The following CLVS1 variants were observed in gnomAD, a reference collection of about 807,000 sequenced individuals.
The protein encoded by CLVS1 is clavesin 1.
Under a neutral mutation model 33.1 loss-of-function variants are expected in CLVS1, and 10 were observed. That is an observed-to-expected ratio of 0.30 (90% CI 0.19 to 0.51). The LOEUF (loss-of-function observed/expected upper bound fraction) is 0.51. CLVS1 is among the 20% of genes least tolerant of loss of function. The pLI, the probability that CLVS1 is intolerant of heterozygous loss-of-function variation, is 0.97. For missense variants in CLVS1, 343 were observed against 433.4 expected, an observed-to-expected ratio of 0.79 and a Z score of 1.85; for synonymous variants, 163 against 166.1, an observed-to-expected ratio of 0.98 and a Z score of 0.14.
intron 2 of CLVS1, among the ~76,000 whole-genome samples, chr8:61,146,888 T>C (rs1806430247): frequency 6.6e-6 from 1 of 152,246 alleles, no homozygotes; most frequent in Non-Finnish European, 1.5e-5. Context: ...GTGATGTGAA[T>C]TCATATCATC....
chr8:61,399,140 A>G (rs966799360), intron 3 of CLVS1, among the ~76,000 whole-genome samples: 12 of 152,148 alleles, frequency 7.9e-5, no homozygotes, highest in Admixed American at 4.6e-4. Flanking sequence ...CTCTTCCACA[A>G]TGGTTGAACT....
intron 5 of CLVS1, among the ~76,000 whole-genome samples, chr8:61,466,288 G>A (rs77743527): frequency 0.074 from 11,216 of 152,212 alleles, 493 homozygotes; most frequent in Non-Finnish European, 0.098. Flanking sequence ...GTTATTCTAG[G>A]GACTCAGTAA....
chr8:61,440,112 C>G (rs924751247), intron 3 of CLVS1, among the ~76,000 whole-genome samples: 3 of 152,222 alleles, frequency 2.0e-5, no homozygotes, highest in Admixed American at 6.5e-5. Context: ...CTTTCTCCAT[C>G]TCTCTCACTA....
intron 2 of CLVS1, among the ~76,000 whole-genome samples, chr8:61,311,275 G>A (rs920324015): frequency 6.6e-6 from 1 of 152,208 alleles, no homozygotes; most frequent in Non-Finnish European, 1.5e-5. Context: ...GGTGTGCCAT[G>A]TGTGTCAACC....
intron 3 of CLVS1, among the ~76,000 whole-genome samples, chr8:61,438,775 A>G (rs1816437265): frequency 6.6e-6 from 1 of 152,206 alleles, no homozygotes; most frequent in South Asian, 2.1e-4. Flanking sequence ...AAGTAAAGTT[A>G]TGTTTCCTCG....
At chr8:61,307,628 C>T (rs1469059355) in intron 2 of CLVS1, among the ~76,000 whole-genome samples, 2 of 151,994 alleles carry the variant, frequency 1.3e-5, no homozygotes, top group Non-Finnish European at 2.9e-5. Flanking sequence ...ACAAAATATC[C>T]AAATTTTATT....
chr8:61,065,549 T>A (rs1378574945), intron 1 of CLVS1, among the ~76,000 whole-genome samples: 1 of 152,218 alleles, frequency 6.6e-6, no homozygotes, highest in East Asian at 1.9e-4. Flanking sequence ...TTTTCAGTTG[T>A]GTATAGTAAG....
chr8:61,039,869 G>T, the CLVS1 span, among the ~76,000 whole-genome samples: 1 of 152,100 alleles, frequency 6.6e-6, no homozygotes, highest in Non-Finnish European at 1.5e-5. Context: ...AGATTCAGGG[G>T]GTACATGTAC....
At chr8:61,224,797 A>C (rs1037829643) in intron 2 of CLVS1, among the ~76,000 whole-genome samples, 1 of 152,338 alleles carries the variant, frequency 6.6e-6, no homozygotes, top group East Asian at 1.9e-4. Flanking sequence ...AGAAAGAGCT[A>C]ACTATCCTAA....
chr8:60,994,478 GT>G, the CLVS1 span, among the ~76,000 whole-genome samples: 9 of 152,296 alleles, frequency 5.9e-5, no homozygotes, highest in African/African-American at 2.2e-4. Context: ...CCCGCACTGT[GT>G]TTTGCTAAGC....
intron 2 of CLVS1, among the ~76,000 whole-genome samples, chr8:61,248,527 G>GT (rs1015057007): frequency 1.6e-4 from 24 of 151,598 alleles, no homozygotes; most frequent in African/African-American, 2.7e-4. Flanking sequence ...TGTATTCCTA[G>GT]TTTTTTTTGT....
intron 3 of CLVS1, among the ~76,000 whole-genome samples, chr8:61,429,113 G>A (rs1816011600): frequency 6.6e-6 from 1 of 152,080 alleles, no homozygotes; most frequent in Non-Finnish European, 1.5e-5. Flanking sequence ...GTCATTCCAT[G>A]GTGGAAGGGC....
chr8:61,051,222 G>A, the CLVS1 span, among the ~76,000 whole-genome samples: 1 of 152,186 alleles, frequency 6.6e-6, no homozygotes, highest in Non-Finnish European at 1.5e-5. Flanking sequence ...TGTGCAAAGA[G>A]CTCTAAGCTG....
In CLVS1 at chr8:61,376,632, C is replaced by T. The variant is rs1251425662; in HGVS notation, c.483C>T (p.Ala161=). ...SRNSFTDILR[A]ILLSLEVLIE... ...ACTCCTTCACAGACATCCTTCGTGC[C>T]ATCCTGCTGTCATTGGAAGTCCTAA... is the stretch of plus-strand genomic sequence containing the variant. Residue 161 remains alanine (A), a synonymous_variant, in exon 3 of 6, where the codon GCC becomes GCT. Transcript: ENST00000325897. 6.2e-7 allele frequency: 1 copy of T among 1,614,004 alleles called. No homozygotes were observed. Among genetic ancestry groups the T allele is most frequent in the Non-Finnish European group, 8.5e-7 (1 of 1,179,898 alleles).
chr8:61,304,989 T>C (rs181331636), intron 2 of CLVS1, among the ~76,000 whole-genome samples: 25 of 152,262 alleles, frequency 1.6e-4, no homozygotes, highest in African/African-American at 6.0e-4. Flanking sequence ...TGAACCCCGA[T>C]GGCCAGCTTC....
chr8:61,210,069 C>T (rs1329161448), intron 2 of CLVS1, among the ~76,000 whole-genome samples: 1 of 152,196 alleles, frequency 6.6e-6, no homozygotes, highest in Non-Finnish European at 1.5e-5. Context: ...ATCAGGTCTT[C>T]CCTGAAAGTA....
chr8:61,219,660 A>G (rs936519739), intron 2 of CLVS1, among the ~76,000 whole-genome samples: 3 of 152,186 alleles, frequency 2.0e-5, no homozygotes, highest in African/African-American at 7.2e-5. Flanking sequence ...TTGGGTATAT[A>G]CCCAGTAATG....
chr8:60,973,869 G>A, the CLVS1 span, among the ~76,000 whole-genome samples: 1 of 152,196 alleles, frequency 6.6e-6, no homozygotes, highest in Non-Finnish European at 1.5e-5. Context: ...GACTCTCCTG[G>A]GTGGGGGAGG....
At chr8:61,147,226 G>A (rs991039567) in intron 2 of CLVS1, among the ~76,000 whole-genome samples, 7 of 152,210 alleles carry the variant, frequency 4.6e-5, no homozygotes, top group African/African-American at 1.7e-4. Context: ...CTGGCTTGGG[G>A]AAAGACCTAG....
Sources: allele counts gnomAD v4.1 joint callset (sites outside exome capture counted in the v4.1 genomes callset), GRCh38; gene constraint gnomAD v4.1.1; transcripts MANE v1.5; gene names NCBI Gene and HGNC (gene_info 2026-07-23, HGNC 2026-07-21).